Variants in HAUS1 observed in about 807,000 individuals in gnomAD.
HAUS1 encodes HAUS augmin-like complex subunit 1.
A neutral mutation model predicts 38.6 loss-of-function variants in HAUS1; 25 were observed. The ratio of observed to expected loss-of-function variants is 0.65; its 90% CI spans 0.47 to 0.91. HAUS1 has a LOEUF of 0.91. Among genes scored for constraint, HAUS1 ranks in the 40% least tolerant of loss-of-function variants. The pLI is 0.00. For synonymous variants in HAUS1, 109 were observed against 112.9 expected, an observed-to-expected ratio of 0.97 and a Z score of 0.22; for missense variants, 325 against 328.4, an observed-to-expected ratio of 0.99 and a Z score of 0.08.
intron 3 of HAUS1, among the ~76,000 whole-genome samples, chr18:46,119,191 T>G (rs1911873280): frequency 6.6e-6 from 1 of 152,030 alleles, no homozygotes; most frequent in African/African-American, 2.4e-5. Context: ...TTAATACAAC[T>G]TATCATAATC....
chr18:46,121,029 T>A (rs1911925276), intron 4 of HAUS1, among the ~76,000 whole-genome samples: 1 of 152,242 alleles, frequency 6.6e-6, no homozygotes. Context: ...TTTAGGCCTT[T>A]TTCTGTTCCT....
intron 4 of HAUS1, 29 bp from the exon 5 acceptor site, chr18:46,122,438 G>T: frequency 1.2e-6 from 2 of 1,605,984 alleles, no homozygotes; most frequent in Non-Finnish European, 1.7e-6. Context: ...AGAAGAAGAA[G>T]AAAATGTTTT....
chr18:46,106,160 GC>G (rs1911472326), intron 2 of HAUS1, among the ~76,000 whole-genome samples: 1 of 152,126 alleles, frequency 6.6e-6, no homozygotes, highest in Non-Finnish European at 1.5e-5. Context: ...TTTCTGCTGG[GC>G]ATATATAGTT....
chr18:46,121,426 A>G (rs1196153818), intron 4 of HAUS1, among the ~76,000 whole-genome samples: 1 of 152,006 alleles, frequency 6.6e-6, no homozygotes, highest in Non-Finnish European at 1.5e-5. Context: ...TTCATGTCAC[A>G]TTTAGTACAG....
chr18:46,105,798 C>T (rs1911457631), intron 2 of HAUS1, among the ~76,000 whole-genome samples: 1 of 152,110 alleles, frequency 6.6e-6, no homozygotes, highest in Non-Finnish European at 1.5e-5. Context: ...CCAGGCTGGT[C>T]TCGAACTCCT....
chr18:46,123,887 C>G (rs1439410366), intron 6 of HAUS1, among the ~76,000 whole-genome samples: 2 of 152,006 alleles, frequency 1.3e-5, no homozygotes, highest in South Asian at 2.1e-4. Context: ...GATTCTAGTT[C>G]TCCCTTTACA....
intron 8 of HAUS1, among the ~76,000 whole-genome samples, chr18:46,127,267 T>C (rs913168012): frequency 3.9e-5 from 6 of 152,080 alleles, no homozygotes; most frequent in Non-Finnish European, 8.8e-5. Context: ...CCACCGTGCC[T>C]GGCCAAAGCT....
intron 7 of HAUS1, among the ~76,000 whole-genome samples, chr18:46,125,146 G>A (rs1268521144): frequency 6.6e-6 from 1 of 151,878 alleles, no homozygotes; most frequent in East Asian, 1.9e-4. Flanking sequence ...TGTAGTCCCA[G>A]CTACTCAGGA....
chr18:46,128,308 T>C lies in HAUS1; in HGVS notation c.*183T>C. The C allele has an allele frequency of 2.2e-6, 1 of 456,100 alleles. No homozygotes were observed. The highest frequency in any genetic ancestry group is 5.1e-5 in the South Asian group (1 of 19,580). The allele number at this position is 456,100 out of a possible 1,614,324, so 28.3% of individuals were successfully genotyped here. A position where few individuals can be genotyped will look rare whatever the true frequency, so the allele number is the denominator to read the frequency against. On this transcript the variant is annotated 3_prime_UTR_variant, in exon 9 of 9. Coordinates refer to ENST00000282058, the MANE Select transcript of HAUS1 (RefSeq NM_138443.4). ...CATTTTTGTGCCCAAATACATAGTTTTCATATTAAAAAGCCTTTTCTCTTA... is the reference window on the plus strand; with the variant it reads ...CATTTTTGTGCCCAAATACATAGTTCTCATATTAAAAAGCCTTTTCTCTTA...
At chr18:46,122,801 C>G (rs1467137944) in intron 5 of HAUS1, among the ~76,000 whole-genome samples, 1 of 152,150 alleles carries the variant, frequency 6.6e-6, no homozygotes, top group Non-Finnish European at 1.5e-5. Context: ...CACACTGCAC[C>G]CATCTTGTCA....
At chr18:46,126,801 T>A (rs1018680576) in intron 8 of HAUS1, 8 of 138,168 alleles carry the variant, frequency 5.8e-5, no homozygotes, top group African/African-American at 1.6e-4. Flanking sequence ...ATTTTTGCAT[T>A]TTTATTTATT....
At chr18:46,127,469 G>C (rs1417537850) in intron 8 of HAUS1, among the ~76,000 whole-genome samples, 1 of 144,182 alleles carries the variant, frequency 6.9e-6, no homozygotes, top group Non-Finnish European at 1.5e-5. Flanking sequence ...CACTTTGGGA[G>C]GCCAAGTGGG....
intron 5 of HAUS1, among the ~76,000 whole-genome samples, chr18:46,123,028 A>G (rs778012726): frequency 1.8e-4 from 27 of 152,060 alleles, no homozygotes; most frequent in Non-Finnish European, 4.4e-5. Flanking sequence ...TGACTAACAC[A>G]GTGAAACCCC....
At chr18:46,107,878 T>G (rs1911517660) in intron 2 of HAUS1, among the ~76,000 whole-genome samples, 1 of 152,160 alleles carries the variant, frequency 6.6e-6, no homozygotes, top group African/African-American at 2.4e-5. Flanking sequence ...GTTTTTGTTT[T>G]TTATAGTGGA....
At chr18:46,111,885 C>CTTTTTT (rs370593835) in intron 2 of HAUS1, among the ~76,000 whole-genome samples, 15 of 134,406 alleles carry the variant, frequency 1.1e-4, no homozygotes, top group East Asian at 4.4e-4. Context: ...CTTTTCTTTT[C>CTTTTTT]TTTTTTTTTT....
intron 2 of HAUS1, among the ~76,000 whole-genome samples, chr18:46,110,687 T>TG (rs1197142733): frequency 6.6e-6 from 1 of 152,028 alleles, no homozygotes; most frequent in Non-Finnish European, 1.5e-5. Context: ...TTGCCTAGGC[T>TG]GTGCCTTCAT....
chr18:46,110,009 A>G (rs1474686116), intron 2 of HAUS1, among the ~76,000 whole-genome samples: 1 of 151,938 alleles, frequency 6.6e-6, no homozygotes, highest in African/African-American at 2.4e-5. Flanking sequence ...CATTACTTAC[A>G]GTCTTTGTTT....
chr18:46,118,870 T>C (rs1911861983), intron 3 of HAUS1, among the ~76,000 whole-genome samples: 1 of 152,046 alleles, frequency 6.6e-6, no homozygotes, highest in South Asian at 2.1e-4. Context: ...AATATTTTGT[T>C]TTAGTTTTTG....
At chr18:46,108,817 A>G (rs1911542437) in intron 2 of HAUS1, among the ~76,000 whole-genome samples, 2 of 152,136 alleles carry the variant, frequency 1.3e-5, no homozygotes, top group Non-Finnish European at 2.9e-5. Context: ...CAAGCCTGTA[A>G]TCCCAGCACT....
Sources: gnomAD v4.1 joint callset for allele counts (sites outside exome capture counted in the v4.1 genomes callset) on GRCh38, gnomAD v4.1.1 for gene constraint, MANE v1.5 for transcripts, NCBI Gene and HGNC (gene_info 2026-07-23, HGNC 2026-07-21) for gene names.